The following POU2F1 variants were observed in gnomAD, a reference collection of about 807,000 sequenced individuals.
The protein encoded by POU2F1 is POU class 2 homeobox 1, also known as POU domain, class 2, transcription factor 1.
Under a neutral mutation model 84.9 loss-of-function variants are expected in POU2F1, and 16 were observed. That is an observed-to-expected ratio of 0.19 (90% CI 0.13 to 0.29). POU2F1 has a LOEUF of 0.29. Among genes scored for constraint, POU2F1 ranks in the 10% least tolerant of loss-of-function variants. The probability of loss-of-function intolerance (pLI) is 1.00; values close to 1 mark genes in which losing one functional copy is unlikely to be tolerated. For synonymous variants in POU2F1, 368 were observed against 368.3 expected (o/e 1.00, Z 0.01); for missense variants, 738 against 942.6 (o/e 0.78, Z 2.84).
chr1:167,222,375 C>T (rs1204633547), intron 1 of POU2F1, among the ~76,000 whole-genome samples: 1 of 152,170 alleles, frequency 6.6e-6, no homozygotes, highest in East Asian at 1.9e-4. Flanking sequence ...GCCTGGCTTT[C>T]CCCGCCTCTC....
intron 1 of POU2F1, among the ~76,000 whole-genome samples, chr1:167,266,381 A>T (rs1651954616): frequency 6.6e-6 from 1 of 152,186 alleles, no homozygotes; most frequent in African/African-American, 2.4e-5. Flanking sequence ...TGAAATTGAG[A>T]TATGGCTATA....
In POU2F1 at chr1:167,272,389, TCA is replaced by T. The variant is rs1491444450; in HGVS notation, c.61+51432_61+51433del. Among the ~76,000 whole-genome samples, 174 of 143,718 alleles carry T rather than the reference TCA, an allele frequency of 1.2e-3. 1 individual carries two copies. The highest frequency in any genetic ancestry group is 4.3e-3 in the African/African-American group (164 of 38,408). The allele number at this position is 143,718 out of a possible 152,430, so 94.3% of individuals were successfully genotyped here. A position where few individuals can be genotyped will look rare whatever the true frequency, so the allele number is the denominator to read the frequency against. On this transcript the variant is annotated intron_variant, in intron 1 of 15. Coordinates refer to ENST00000367866, the MANE Select transcript of POU2F1 (RefSeq NM_002697.4). ...AAGTATGTTCCCACACATTAGGATT[TCA>T]AAAAAAAAAAAAAACCATATTCAGA...
At chr1:167,329,363 G>C in intron 1 of POU2F1, 1 of 1,524,608 alleles carries the variant, frequency 6.6e-7, no homozygotes, top group Non-Finnish European at 8.9e-7. Context: ...AGAGTGTGTC[G>C]GGTTGACTAT....
intron 2 of POU2F1, among the ~76,000 whole-genome samples, chr1:167,364,062 G>C (rs34724474): frequency 0.1 from 15,882 of 152,234 alleles, 2,143 homozygotes; most frequent in African/African-American, 0.32. Flanking sequence ...ACAATTCTTA[G>C]AGATTCCTGT....
intron 2 of POU2F1, among the ~76,000 whole-genome samples, chr1:167,345,150 T>C (rs1417673487): frequency 6.6e-6 from 1 of 152,162 alleles, no homozygotes; most frequent in Non-Finnish European, 1.5e-5. Context: ...GCATGTTCTA[T>C]GTATCCCGGA....
intron 1 of POU2F1, among the ~76,000 whole-genome samples, chr1:167,279,612 G>C (rs1052166500): frequency 6.6e-6 from 1 of 152,178 alleles, no homozygotes; most frequent in Non-Finnish European, 1.5e-5. Context: ...CAACTACTTG[G>C]GAGGCTGAGG....
chr1:167,304,494 G>T (rs1373514498), intron 1 of POU2F1, among the ~76,000 whole-genome samples: 1 of 152,048 alleles, frequency 6.6e-6, no homozygotes, highest in African/African-American at 2.4e-5. Context: ...GAAAATTTAT[G>T]TGATCACAAA....
chr1:167,341,822 T>C (rs1408636450), intron 2 of POU2F1, among the ~76,000 whole-genome samples: 1 of 152,148 alleles, frequency 6.6e-6, no homozygotes, highest in Non-Finnish European at 1.5e-5. Flanking sequence ...ACTTGAAGGA[T>C]GAATTCAGGG....
intron 1 of POU2F1, among the ~76,000 whole-genome samples, chr1:167,276,141 A>G (rs925404085): frequency 6.6e-6 from 1 of 152,218 alleles, no homozygotes; most frequent in Admixed American, 6.5e-5. Context: ...TTTAAGTTGC[A>G]TGCTGTTCTG....
chr1:167,291,330 G>A (rs769725910), intron 1 of POU2F1, among the ~76,000 whole-genome samples: 5 of 152,170 alleles, frequency 3.3e-5, no homozygotes, highest in Non-Finnish European at 5.9e-5. Flanking sequence ...AAGAGATAAA[G>A]GTTGCCTTTT....
At chr1:167,401,384 T>G in intron 12 of POU2F1, 67 bp from the exon 13 acceptor site, 1 of 1,122,072 alleles carries the variant, frequency 8.9e-7, no homozygotes, top group Non-Finnish European at 1.3e-6. Context: ...AGAAAGACTG[T>G]AAAATCATTT....
intron 11 of POU2F1, 101 bp downstream of exon 11, chr1:167,398,234 C>A: frequency 7.3e-7 from 1 of 1,361,326 alleles, no homozygotes; most frequent in Non-Finnish European, 1.0e-6. Flanking sequence ...ACATGTCAGC[C>A]TCTGCTCTTA....
chr1:167,351,164 C>T (rs1320830106), intron 2 of POU2F1, among the ~76,000 whole-genome samples: 1 of 151,950 alleles, frequency 6.6e-6, no homozygotes, highest in Non-Finnish European at 1.5e-5. Context: ...ACCAGCCTGG[C>T]CGACATGGTG....
chr1:167,313,794 A>C (rs1655668108), intron 1 of POU2F1, among the ~76,000 whole-genome samples: 1 of 152,246 alleles, frequency 6.6e-6, no homozygotes, highest in South Asian at 2.1e-4. Flanking sequence ...GAGGATGAAA[A>C]GACATGGTCC....
chr1:167,344,416 G>A (rs1658057706), intron 2 of POU2F1, among the ~76,000 whole-genome samples: 1 of 152,180 alleles, frequency 6.6e-6, no homozygotes, highest in Admixed American at 6.5e-5. Context: ...AGAAATTGCT[G>A]TGGTTAAGAA....
chr1:167,329,237 T>C (rs749668796), intron 1 of POU2F1: 7 of 1,544,990 alleles, frequency 4.5e-6, no homozygotes, highest in Non-Finnish European at 6.1e-6. Context: ...ACCTGTTTCT[T>C]CCTTGTTTGG....
chr1:167,371,765 A>G, intron 4 of POU2F1, 152 bp from the exon 5 acceptor site: 1 of 1,078,160 alleles, frequency 9.3e-7, no homozygotes, highest in Non-Finnish European at 1.3e-6. Context: ...GGTATGTGAA[A>G]CTAGGAAAAT....
intron 1 of POU2F1, among the ~76,000 whole-genome samples, chr1:167,264,437 G>A (rs193301488): frequency 1.3e-5 from 2 of 152,278 alleles, no homozygotes; most frequent in African/African-American, 4.8e-5. Flanking sequence ...TGAGGAGTAA[G>A]ATGAACCTGG....
At chr1:167,311,153 A>G (rs560140185) in intron 1 of POU2F1, among the ~76,000 whole-genome samples, 1 of 152,296 alleles carries the variant, frequency 6.6e-6, no homozygotes, top group East Asian at 1.9e-4. Flanking sequence ...CAAACAGAAA[A>G]ATTTCACAAA....
Sources: gnomAD v4.1 joint callset for allele counts (sites outside exome capture counted in the v4.1 genomes callset) on GRCh38, gnomAD v4.1.1 for gene constraint, MANE v1.5 for transcripts, NCBI Gene and HGNC (gene_info 2026-07-23, HGNC 2026-07-21) for gene names.